The following CD163L1 variants were observed in gnomAD, a reference collection of about 807,000 sequenced individuals.
CD163L1 encodes CD163 molecule like 1, also known as scavenger receptor cysteine-rich type 1 protein M160.
CD163L1 carries 124 observed loss-of-function variants against 165.4 expected under a neutral mutation model. The ratio of observed to expected loss-of-function variants is 0.75; its 90% CI spans 0.65 to 0.87. CD163L1 has a LOEUF of 0.87. CD163L1 is among the 40% of genes least tolerant of loss of function. CD163L1 has a pLI of 0.00. For synonymous variants in CD163L1, 585 were observed against 662.2 expected (o/e 0.88, Z 1.79); for missense variants, 1,525 against 1,799.9 (o/e 0.85, Z 2.76).
At chr12:7,417,666 T>C (rs957562049) in intron 4 of CD163L1, among the ~76,000 whole-genome samples, 2 of 152,196 alleles carry the variant, frequency 1.3e-5, no homozygotes, top group African/African-American at 4.8e-5. Flanking sequence ...TCTATTGAGA[T>C]AATCATGTGG....
At chr12:7,438,955 T>C in intron 2 of CD163L1, 2 of 1,608,648 alleles carry the variant, frequency 1.2e-6, no homozygotes, top group African/African-American at 1.3e-5. Flanking sequence ...TCTTGTTCTC[T>C]AGCTTCCTGC....
Position 7,368,221 on chromosome 12 carries a change from A to G in CD163L1, c.4073-24T>C. On this transcript the variant is annotated intron_variant, in intron 16 of 19. Transcript: ENST00000313599. This position sits in a 1 kb window ranked among gnomAD's most constrained non-coding sequence, Gnocchi z 4.3. ...ACCTGTATAGAAATTAAGCATTGAT[A>G]AGTATTAAACTAGTAGATATCAATT... 8.9e-6 allele frequency: 12 copies of G among 1,349,866 alleles called. No homozygotes were observed. Among genetic ancestry groups the G allele is most frequent in the Non-Finnish European group, 1.3e-5 (12 of 942,324 alleles). The allele number at this position is 1,349,866 out of a possible 1,614,324, so 83.6% of individuals were successfully genotyped here.
intron 8 of CD163L1, among the ~76,000 whole-genome samples, chr12:7,386,364 T>A (rs138288879): frequency 3.3e-5 from 5 of 152,154 alleles, no homozygotes; most frequent in African/African-American, 1.2e-4. Flanking sequence ...ACTAGATGGC[T>A]TTACTGCTGA....
intron 8 of CD163L1, among the ~76,000 whole-genome samples, chr12:7,390,181 A>AG (rs1315438835): frequency 6.6e-6 from 1 of 151,778 alleles, no homozygotes; most frequent in Non-Finnish European, 1.5e-5. Flanking sequence ...TAGTTACCAG[A>AG]GGCTGGGAAG....
chr12:7,348,491 C>G (rs1169826297), intron 4 of CD163L1, among the ~76,000 whole-genome samples: 1 of 152,144 alleles, frequency 6.6e-6, no homozygotes, highest in African/African-American at 2.4e-5. Context: ...AGTGGATGAT[C>G]CTATGGTTAG....
Position 7,440,035 on chromosome 12 carries a change from C to A in CD163L1, c.124+1119G>T, listed in dbSNP as rs1948798913. 6.2e-6 allele frequency: 8 copies of A among 1,285,496 alleles called. No homozygotes were observed. In the Admixed American group the frequency reaches 1.2e-4, roughly 19 times the overall value. The allele number at this position is 1,285,496 out of a possible 1,614,324, so 79.6% of individuals were successfully genotyped here. A position where few individuals can be genotyped will look rare whatever the true frequency, so the allele number is the denominator to read the frequency against. On this transcript the variant is annotated intron_variant, in intron 2 of 19. Coordinates refer to ENST00000313599, the MANE Select transcript of CD163L1 (RefSeq NM_174941.6). Reference sequence around the variant, plus strand: ...CGAGGAAAACCCGCTGCGACACACACCCCAGCAGCTCCTCGCGTTCCGCGC... The same window carrying A: ...CGAGGAAAACCCGCTGCGACACACAACCCAGCAGCTCCTCGCGTTCCGCGC...
chr12:7,374,776 T>C lies in CD163L1; in HGVS notation c.3095-20A>G. On this transcript the variant is annotated intron_variant, in intron 12 of 19. Transcript: ENST00000313599. This position sits in a 1 kb window ranked among gnomAD's most constrained non-coding sequence, Gnocchi z 5.4. ...TGTCCTCTTAGAGGAGAAAGTCCAGTTAATAGGTCACATTCTTTAGAGTTG... is the reference window on the plus strand; with the variant it reads ...TGTCCTCTTAGAGGAGAAAGTCCAGCTAATAGGTCACATTCTTTAGAGTTG... The C allele has an allele frequency of 2.5e-6, 4 of 1,613,836 alleles. No homozygotes were observed. Among genetic ancestry groups the C allele is most frequent in the Non-Finnish European group, 3.4e-6 (4 of 1,179,812 alleles).
the CD163L1 span, chr12:7,327,205 G>T: frequency 3.1e-6 from 4 of 1,289,692 alleles, no homozygotes; most frequent in South Asian, 4.8e-5. Flanking sequence ...ATAGGTAGAA[G>T]ACACTTTTCA....
chr12:7,359,776 G>C (rs1029546668), intron 18 of CD163L1, among the ~76,000 whole-genome samples: 1 of 152,112 alleles, frequency 6.6e-6, no homozygotes, highest in African/African-American at 2.4e-5. Flanking sequence ...ATTCCTGAAA[G>C]TTATTTTTTC....
rs377217670 is a variant in CD163L1 at position 7,374,066 on chromosome 12, C to T, written c.3409+376G>A. Among the ~76,000 whole-genome samples the T allele has an allele frequency of 8.5e-5, 13 of 152,206 alleles. No individual in the cohort carries two copies. In the South Asian group the frequency reaches 1.0e-3, roughly 12 times the overall value. On this transcript the variant is annotated intron_variant, in intron 13 of 19. Transcript: ENST00000313599. The surrounding 1 kb of genome is among the most constrained non-coding windows in gnomAD (Gnocchi z 5.4). ...TTCCTCTTACCACTAGAGACAGAAA[C>T]TAATAACCATGGCTTCAGGCTACTA...
chr12:7,406,670 A>C lies in CD163L1; in HGVS notation c.949T>G (p.Leu317Val), dbSNP rs753000420. The change falls in exon 5 of 20, where the codon TTG becomes GTG. Residue 317 changes from leucine to valine, a missense_variant. Coordinates refer to ENST00000313599, the MANE Select transcript of CD163L1 (RefSeq NM_174941.6). ...TALHFAGLPH[L>V]QSGSDVVWLD... ...CATACAACATCAGACCCTGACTGCAAATGAGGCAAGCCAGCGAAGTGAAGT... is the reference window on the plus strand; with the variant it reads ...CATACAACATCAGACCCTGACTGCACATGAGGCAAGCCAGCGAAGTGAAGT... 2 of 1,613,984 alleles carry C rather than the reference A, an allele frequency of 1.2e-6. No individual in the cohort carries two copies. Among genetic ancestry groups the C allele is most frequent in the African/African-American group, 2.7e-5 (2 of 74,924 alleles).
chr12:7,389,114 T>C (rs1947587779), intron 8 of CD163L1, among the ~76,000 whole-genome samples: 1 of 152,230 alleles, frequency 6.6e-6, no homozygotes, highest in Admixed American at 6.5e-5. Context: ...TTTGGGGGTA[T>C]ATACCCAGCA....
At position 7,432,359 on chromosome 12, in the gene CD163L1, A is replaced by T; in HGVS notation, c.766+57T>A. 1 of 1,314,434 alleles carries T rather than the reference A, an allele frequency of 7.6e-7. No individual in the cohort carries two copies. Among genetic ancestry groups the T allele is most frequent in the Non-Finnish European group, 1.1e-6 (1 of 938,516 alleles). 81.4% of individuals were successfully genotyped at this position (1,314,434 alleles called of 1,614,324 possible). On this transcript the variant is annotated intron_variant, in intron 4 of 19. Transcript: ENST00000313599. This position sits in a 1 kb window ranked among gnomAD's most constrained non-coding sequence, Gnocchi z 4.2. Reference sequence around the variant, plus strand: ...GAATGATTGACCTTTTTCTTTCCATACATACTGTTTCTAAACAAATTGTTC... The same window carrying T: ...GAATGATTGACCTTTTTCTTTCCATTCATACTGTTTCTAAACAAATTGTTC...
In CD163L1 at chr12:7,373,345, T is replaced by C; in HGVS notation, c.3705A>G (p.Ala1235=). The C allele has an allele frequency of 6.2e-7, 1 of 1,613,336 alleles. No individual in the cohort carries two copies. Among genetic ancestry groups the C allele is most frequent in the African/African-American group, 1.3e-5 (1 of 75,052 alleles). ...APWERRISSP[A]EETWITCEDR... is the part of the protein sequence containing the mutation. ...CTTCACATGTGATCCAGGTCTCTTCTGCTGGGCTGGAGATTCTTCGCTCCC... is the reference window on the plus strand; with the variant it reads ...CTTCACATGTGATCCAGGTCTCTTCCGCTGGGCTGGAGATTCTTCGCTCCC... The change falls in exon 14 of 20, where the codon GCA becomes GCG. Residue 1235 remains alanine, a synonymous_variant. Transcript: ENST00000313599.
Position 7,378,979 on chromosome 12 carries a change from T to G in CD163L1, c.2370A>C (p.Ser790=). The G allele has an allele frequency of 6.2e-7, 1 of 1,600,578 alleles. No individual in the cohort carries two copies. Among genetic ancestry groups the G allele is most frequent in the East Asian group, 2.2e-5 (1 of 44,506 alleles). The change falls in exon 9 of 20, where the codon TCA becomes TCC. Residue 790 remains serine (S), a splice_region_variant and synonymous_variant. Transcript: ENST00000313599. ...TGTTTATCTTTGTCCAGAAATTACC[T>G]GAGCAGATCAAACTTGCTTCCATAT... is the stretch of plus-strand genomic sequence containing the variant. ...HLNMEASLIC[S]AHRQPRLVGA...
chr12:7,419,767 A>G (rs1948313565), intron 4 of CD163L1, among the ~76,000 whole-genome samples: 1 of 151,968 alleles, frequency 6.6e-6, no homozygotes, highest in South Asian at 2.1e-4. Context: ...AGCTGCAAAA[A>G]AAAAATTTAT....
At chr12:7,420,157 TAA>T (rs970594319) in intron 4 of CD163L1, among the ~76,000 whole-genome samples, 29 of 152,062 alleles carry the variant, frequency 1.9e-4, no homozygotes, top group African/African-American at 6.0e-4. Context: ...AAGCCACATG[TAA>T]AAGAGTGAAA....
At chr12:7,324,463 A>C in the CD163L1 span, 1 of 1,613,900 alleles carries the variant, frequency 6.2e-7, no homozygotes, top group South Asian at 1.1e-5. Context: ...TCTAACTTGG[A>C]GGATGTGGTG....
At chr12:7,323,427 T>G in the CD163L1 span, 1 of 1,609,858 alleles carries the variant, frequency 6.2e-7, no homozygotes, top group Non-Finnish European at 8.5e-7. Flanking sequence ...AAAAGAAAAT[T>G]TTAAGACCAT....
Sources: allele counts gnomAD v4.1 joint callset (sites outside exome capture counted in the v4.1 genomes callset), GRCh38; gene constraint gnomAD v4.1.1; non-coding constraint Gnocchi (gnomAD v3.1); transcripts MANE v1.5; gene names NCBI Gene and HGNC (gene_info 2026-07-23, HGNC 2026-07-21).